Variants in MRTFB observed in about 807,000 individuals in gnomAD.
MRTFB encodes the protein myocardin related transcription factor B.
MRTFB carries 29 observed loss-of-function variants against 104.2 expected under a neutral mutation model. That is an observed-to-expected ratio of 0.28 (90% CI 0.21 to 0.38). The LOEUF (loss-of-function observed/expected upper bound fraction) is 0.38, where lower values mean the gene tolerates loss of function less well. Ranked by LOEUF, MRTFB falls within the 10% of genes least tolerant of loss-of-function variation. The pLI is 1.00. For synonymous variants in MRTFB, 535 were observed against 519.5 expected, an observed-to-expected ratio of 1.03 and a Z score of -0.41; for missense variants, 1,270 against 1,341.6, an observed-to-expected ratio of 0.95 and a Z score of 0.83.
At chr16:14,256,184 A>T (rs2043478937) in intron 15 of MRTFB, among the ~76,000 whole-genome samples, 1 of 145,328 alleles carries the variant, frequency 6.9e-6, no homozygotes, top group Non-Finnish European at 1.5e-5. Context: ...AGGAAAGAAA[A>T]ACAGGATAAC....
At chr16:14,021,302 C>T in the MRTFB span, among the ~76,000 whole-genome samples, 1 of 152,210 alleles carries the variant, frequency 6.6e-6, no homozygotes, top group Non-Finnish European at 1.5e-5. Context: ...CTCTTTTCTG[C>T]TGGGGGCTGG....
chr16:14,038,193 C>A, the MRTFB span, among the ~76,000 whole-genome samples: 1 of 152,262 alleles, frequency 6.6e-6, no homozygotes, highest in Non-Finnish European at 1.5e-5. Flanking sequence ...TGTGTCCTCA[C>A]ATGGTCTTCC....
chr16:14,226,675 C>T (rs1183783539), intron 8 of MRTFB, among the ~76,000 whole-genome samples: 1 of 152,074 alleles, frequency 6.6e-6, no homozygotes. Flanking sequence ...GGAAAGAAAT[C>T]TTTCCTCAAA....
chr16:14,058,759 C>T, the MRTFB span, among the ~76,000 whole-genome samples: 3 of 139,076 alleles, frequency 2.2e-5, no homozygotes, highest in African/African-American at 8.2e-5. Flanking sequence ...CGCTCTGTCG[C>T]CCAGGCTGGA....
At chr16:14,094,242 T>A (rs117113759) in intron 2 of MRTFB, among the ~76,000 whole-genome samples, 2,733 of 152,298 alleles carry the variant, frequency 0.018, 46 homozygotes, top group Admixed American at 0.037. Flanking sequence ...CCAGTTTTTT[T>A]AATGACTGAT....
intron 3 of MRTFB, chr16:14,152,013 G>A (rs1287465397): frequency 6.6e-6 from 1 of 152,008 alleles, no homozygotes; most frequent in Non-Finnish European, 1.5e-5. Context: ...TTGTTCTGAA[G>A]AGATTAAGAT....
intron 3 of MRTFB, among the ~76,000 whole-genome samples, chr16:14,196,865 A>G (rs2151087446): frequency 6.6e-6 from 1 of 152,150 alleles, no homozygotes; most frequent in Non-Finnish European, 1.5e-5. Flanking sequence ...CCATTTTATA[A>G]TTGGCAAATT....
chr16:14,033,391 G>A, the MRTFB span, among the ~76,000 whole-genome samples: 3 of 150,706 alleles, frequency 2.0e-5, no homozygotes, highest in Non-Finnish European at 3.0e-5. Flanking sequence ...ACAAAAAAAT[G>A]TATCAATTAG....
chr16:14,089,696 A>G (rs574176785), intron 2 of MRTFB, among the ~76,000 whole-genome samples: 1 of 152,302 alleles, frequency 6.6e-6, no homozygotes, highest in Admixed American at 6.5e-5. Context: ...CTTTTTGAGG[A>G]AATGCCCAAC....
At chr16:14,191,115 A>T (rs994578637) in intron 3 of MRTFB, among the ~76,000 whole-genome samples, 13 of 152,258 alleles carry the variant, frequency 8.5e-5, no homozygotes, top group Non-Finnish European at 1.9e-4. Context: ...GATGGAAGTT[A>T]TGCATACTCT....
chr16:14,088,974 T>C (rs2034888100), intron 2 of MRTFB, among the ~76,000 whole-genome samples: 1 of 152,192 alleles, frequency 6.6e-6, no homozygotes, highest in Admixed American at 6.5e-5. Context: ...ATTTTGGATT[T>C]GGTTTTATGG....
chr16:14,241,063 G>C (rs1253795239), intron 10 of MRTFB: 1 of 440,602 alleles, frequency 2.3e-6, no homozygotes, highest in Non-Finnish European at 4.0e-6. Flanking sequence ...CAAAAATCGA[G>C]TACAGCCAAT....
At chr16:14,150,672 GAAATA>G (rs752051033) in intron 3 of MRTFB, among the ~76,000 whole-genome samples, 4 of 152,018 alleles carry the variant, frequency 2.6e-5, no homozygotes, top group East Asian at 1.9e-4. Flanking sequence ...CTCATCATAA[GAAATA>G]AAATAAAGGA....
the MRTFB span, among the ~76,000 whole-genome samples, chr16:14,003,278 A>G: frequency 6.6e-6 from 1 of 151,968 alleles, no homozygotes; most frequent in South Asian, 2.1e-4. Flanking sequence ...CTTTCTTTTT[A>G]ATCCTCCCTT....
intron 3 of MRTFB, among the ~76,000 whole-genome samples, chr16:14,165,872 AT>A (rs1433854704): frequency 3.9e-4 from 60 of 152,194 alleles, no homozygotes; most frequent in Non-Finnish European, 1.6e-4. Context: ...TCTGTAAAAT[AT>A]TTAGCATTCC....
At chr16:14,095,726 T>G (rs2035324110) in intron 2 of MRTFB, among the ~76,000 whole-genome samples, 1 of 152,290 alleles carries the variant, frequency 6.6e-6, no homozygotes, top group African/African-American at 2.4e-5. Context: ...TTCTTACCAT[T>G]TTACCCAAAA....
intron 3 of MRTFB, among the ~76,000 whole-genome samples, chr16:14,187,505 C>T (rs1271211505): frequency 6.6e-6 from 1 of 152,182 alleles, no homozygotes; most frequent in Non-Finnish European, 1.5e-5. Context: ...TTAAATCCTA[C>T]AGTGATAGGT....
chr16:14,070,198 C>T (rs1472722989), upstream of MRTFB, among the ~76,000 whole-genome samples: 6 of 152,198 alleles, frequency 3.9e-5, no homozygotes, highest in Admixed American at 3.9e-4. Context: ...CGCTTGCTTG[C>T]AGAACAGGAC....
rs1490622194 is a variant in MRTFB at position 14,140,898 on chromosome 16, T to C, written c.154+138T>C. On this transcript the variant is annotated intron_variant, in intron 3 of 16. Coordinates refer to ENST00000571589, the MANE Select transcript of MRTFB (RefSeq NM_001308142.2). ...AGGAGAACCCTGTAGAGGTACTGGA[T>C]GGTTTTTAATAACAGGCAGAATTTC... 6 of 786,292 alleles carry C rather than the reference T, an allele frequency of 7.6e-6. No individual in the cohort carries two copies. In the East Asian group the frequency reaches 1.4e-4, roughly 18 times the overall value. 48.7% of individuals were successfully genotyped at this position (786,292 alleles called of 1,614,324 possible). A position where few individuals can be genotyped will look rare whatever the true frequency, so the allele number is the denominator to read the frequency against.
Sources: allele counts gnomAD v4.1 joint callset (sites outside exome capture counted in the v4.1 genomes callset), GRCh38; gene constraint gnomAD v4.1.1; transcripts MANE v1.5; gene names NCBI Gene and HGNC (gene_info 2026-07-23, HGNC 2026-07-21).